PPFIA2: variants seen among roughly 807,000 people sequenced by gnomAD.
PPFIA2 encodes liprin-alpha-2.
A neutral mutation model predicts 175.5 loss-of-function variants in PPFIA2; 46 were observed. The observed-to-expected ratio is 0.26, with a 90% CI of 0.21 to 0.34. The LOEUF is 0.34. Among genes scored for constraint, PPFIA2 ranks in the 10% least tolerant of loss-of-function variants. The probability of loss-of-function intolerance (pLI) is 1.00; values close to 1 mark genes in which losing one functional copy is unlikely to be tolerated. For synonymous variants in PPFIA2, 568 were observed against 511.4 expected, an observed-to-expected ratio of 1.11 and a Z score of -1.49; for missense variants, 1,179 against 1,506.1, an observed-to-expected ratio of 0.78 and a Z score of 3.60.
At chr12:81,617,836 ATTC>A (rs2061561924) in intron 4 of PPFIA2, among the ~76,000 whole-genome samples, 1 of 152,244 alleles carries the variant, frequency 6.6e-6, no homozygotes, top group African/African-American at 2.4e-5. Context: ...ATAGACAAAT[ATTC>A]TTCTGTGTAG....
In PPFIA2 at chr12:81,258,915, A is replaced by G. The variant is rs1055568751; in HGVS notation, c.*779T>C. The G allele has an allele frequency of 6.6e-6, 1 of 151,684 alleles. No homozygotes were observed. Among genetic ancestry groups the G allele is most frequent in the African/African-American group, 2.4e-5 (1 of 41,238 alleles). The allele number at this position is 151,684 out of a possible 1,614,324, so 9.4% of individuals were successfully genotyped here. ...CAAGAGAAGATTATGGTTTTTTAAT[A>G]TAAATTTTTAAATAATTGCTTTTGA... On this transcript the variant is annotated 3_prime_UTR_variant, in exon 33 of 33. Transcript: ENST00000549396.
chr12:81,287,881 G>A (rs2043866869), intron 24 of PPFIA2, among the ~76,000 whole-genome samples: 1 of 151,780 alleles, frequency 6.6e-6, no homozygotes, highest in South Asian at 2.1e-4. Context: ...AAAAGCATAA[G>A]AAACAAATAT....
At chr12:81,287,066 T>C (rs186522215) in intron 24 of PPFIA2, among the ~76,000 whole-genome samples, 1 of 152,044 alleles carries the variant, frequency 6.6e-6, no homozygotes, top group East Asian at 1.9e-4. Flanking sequence ...CATGCATCTG[T>C]CACATTCCCT....
At chr12:81,460,370 G>A (rs1441169536) in intron 4 of PPFIA2, among the ~76,000 whole-genome samples, 1 of 152,040 alleles carries the variant, frequency 6.6e-6, no homozygotes, top group African/African-American at 2.4e-5. Flanking sequence ...CAGTAACGTG[G>A]AGCTGTGAGT....
chr12:81,527,322 T>C (rs1165008327), intron 4 of PPFIA2, among the ~76,000 whole-genome samples: 2 of 151,956 alleles, frequency 1.3e-5, no homozygotes, highest in Non-Finnish European at 2.9e-5. Context: ...TCTTCCATTT[T>C]CTAACACTAG....
At chr12:81,720,122 T>A (rs2079129703) in intron 3 of PPFIA2, among the ~76,000 whole-genome samples, 1 of 151,488 alleles carries the variant, frequency 6.6e-6, no homozygotes, top group Non-Finnish European at 1.5e-5. Flanking sequence ...TGAAATTACC[T>A]GTAATATAAT....
rs550276571 is a variant in PPFIA2, at chr12:81,665,359, A to C, written c.303+11432T>G. On this transcript the variant is annotated intron_variant, in intron 4 of 32. Transcript: ENST00000549396. ...CAGAATGATTAAACAATATGTTAAG[A>C]TATTTCCAAAATGCTTCCCACATTT... Among the ~76,000 whole-genome samples, 4 of 152,164 alleles carry C rather than the reference A, an allele frequency of 2.6e-5. No homozygotes were observed. In the East Asian group the frequency reaches 7.7e-4, roughly 29 times the overall value.
intron 28 of PPFIA2, among the ~76,000 whole-genome samples, chr12:81,269,641 C>T (rs996152965): frequency 7.2e-5 from 11 of 152,210 alleles, no homozygotes; most frequent in African/African-American, 1.9e-4. Context: ...TCTCACCTAA[C>T]AGTAACCAAT....
At chr12:81,579,049 GA>G (rs949137923) in intron 4 of PPFIA2, among the ~76,000 whole-genome samples, 142 of 151,752 alleles carry the variant, frequency 9.4e-4, no homozygotes, top group Middle Eastern at 3.4e-3. Context: ...AAGCTAAATT[GA>G]AAAAAATCAT....
intron 23 of PPFIA2, among the ~76,000 whole-genome samples, chr12:81,295,815 A>T (rs61934707): frequency 0.039 from 5,909 of 151,840 alleles, 154 homozygotes; most frequent in Non-Finnish European, 0.062. Context: ...ACTTGGTGAA[A>T]CATCATAATA....
At chr12:81,723,044 A>C (rs2079556345) in intron 3 of PPFIA2, among the ~76,000 whole-genome samples, 1 of 151,128 alleles carries the variant, frequency 6.6e-6, no homozygotes, top group Non-Finnish European at 1.5e-5. Flanking sequence ...ACCTCCTATG[A>C]TCTGCCTAGC....
intron 22 of PPFIA2, among the ~76,000 whole-genome samples, chr12:81,304,477 C>A (rs1162402129): frequency 2.0e-5 from 3 of 152,116 alleles, no homozygotes; most frequent in African/African-American, 7.2e-5. Flanking sequence ...GATATGTGTT[C>A]TACAGGAGGT....
At position 81,707,085 on chromosome 12, in the gene PPFIA2, C is replaced by T. The variant is rs184800627; in HGVS notation, c.250-30241G>A. Among the ~76,000 whole-genome samples, 3 of 152,282 alleles carry T rather than the reference C, an allele frequency of 2.0e-5. No individual in the cohort carries two copies. The East Asian group carries it at 5.8e-4, about 29-fold the overall frequency. ...TAAAAACCCTAGAAAAAAACCTAGG[C>T]ATTACCATTCAGGACATAGGCACGG... On this transcript the variant is annotated intron_variant, in intron 3 of 32. Coordinates refer to ENST00000549396, the MANE Select transcript of PPFIA2 (RefSeq NM_003625.5).
intron 16 of PPFIA2, among the ~76,000 whole-genome samples, chr12:81,355,012 T>C (rs1334424479): frequency 6.6e-6 from 1 of 152,142 alleles, no homozygotes; most frequent in Non-Finnish European, 1.5e-5. Context: ...GATGAATCGT[T>C]TCCAGAATGT....
At chr12:81,688,802 A>AAT (rs3075480) in intron 3 of PPFIA2, among the ~76,000 whole-genome samples, 15,568 of 140,654 alleles carry the variant, frequency 0.11, 1,131 homozygotes, top group African/African-American at 0.19. Context: ...TGGTTTATTA[A>AAT]ATATATATAT....
At chr12:81,625,276 C>T (rs576661983) in intron 4 of PPFIA2, among the ~76,000 whole-genome samples, 2 of 151,880 alleles carry the variant, frequency 1.3e-5, no homozygotes, top group South Asian at 2.1e-4. Context: ...TATGTACTTA[C>T]ACACTTTAAA....
intron 8 of PPFIA2, among the ~76,000 whole-genome samples, chr12:81,395,949 G>A (rs184687696): frequency 0.013 from 2,040 of 152,006 alleles, 26 homozygotes; most frequent in South Asian, 0.025. Context: ...ATTGTAAATG[G>A]CAGTTATATC....
chr12:81,728,019 T>C (rs1286100650), intron 3 of PPFIA2, among the ~76,000 whole-genome samples: 1 of 151,410 alleles, frequency 6.6e-6, no homozygotes, highest in Non-Finnish European at 1.5e-5. Flanking sequence ...AAATGCAAAG[T>C]TGAAACATAT....
chr12:81,685,596 G>T (rs1046375560), intron 3 of PPFIA2, among the ~76,000 whole-genome samples: 26 of 151,944 alleles, frequency 1.7e-4, no homozygotes, highest in African/African-American at 3.6e-4. Context: ...AAGGTCACAG[G>T]TTTCATAGTA....
Sources: gnomAD v4.1 joint callset for allele counts (sites outside exome capture counted in the v4.1 genomes callset) on GRCh38, gnomAD v4.1.1 for gene constraint, MANE v1.5 for transcripts, NCBI Gene and HGNC (gene_info 2026-07-23, HGNC 2026-07-21) for gene names.